The following MRPS27 variants were observed in gnomAD, a reference collection of about 807,000 sequenced individuals.
MRPS27 encodes the protein mitochondrial ribosomal protein S27.
Under a neutral mutation model 48.9 loss-of-function variants are expected in MRPS27, and 43 were observed. The observed-to-expected ratio is 0.88, with a 90% CI of 0.69 to 1.13. The LOEUF (loss-of-function observed/expected upper bound fraction) is 1.13. MRPS27 is among the 50% of genes most tolerant of loss of function. The probability of loss-of-function intolerance (pLI) is 0.00; values close to 1 mark genes in which losing one functional copy is unlikely to be tolerated. For missense variants in MRPS27, 467 were observed against 476.3 expected, an observed-to-expected ratio of 0.98 and a Z score of 0.18; for synonymous variants, 188 against 171.9, an observed-to-expected ratio of 1.09 and a Z score of -0.73.
rs750863073 is a variant in MRPS27, at chr5:72,298,418, T to TATA, written c.152-717_152-716insTAT. ...GGCTGCAGAGATAAGGAAATGCTTA[T>TATA]ACACTGTTGGTAAGAATGTAAATTA... On this transcript the variant is annotated intron_variant, in intron 2 of 10. Transcript: ENST00000261413. 9.2e-5 allele frequency among the ~76,000 whole-genome samples: 14 copies of TATA among 152,316 alleles called. No individual in the cohort carries two copies. In the East Asian group the frequency reaches 2.7e-3, roughly 29 times the overall value.
intron 2 of MRPS27, among the ~76,000 whole-genome samples, chr5:72,310,325 T>C (rs890877250): frequency 6.6e-6 from 1 of 152,062 alleles, no homozygotes; most frequent in Non-Finnish European, 1.5e-5. Flanking sequence ...AAATGGTTGA[T>C]TCCAGGGCTA....
At chr5:72,269,518 A>C (rs1749181717) in intron 4 of MRPS27, among the ~76,000 whole-genome samples, 1 of 152,268 alleles carries the variant, frequency 6.6e-6, no homozygotes, top group South Asian at 2.1e-4. Flanking sequence ...AGCTATAATA[A>C]TTAAAACAGG....
Position 72,234,133 on chromosome 5 carries a change from T to C in MRPS27, c.461A>G (p.Lys154Arg). The C allele has an allele frequency of 6.6e-7, 1 of 1,523,242 alleles. No individual in the cohort carries two copies. Among genetic ancestry groups the C allele is most frequent in the Non-Finnish European group, 8.8e-7 (1 of 1,139,346 alleles). 94.4% of individuals were successfully genotyped at this position (1,523,242 alleles called of 1,614,324 possible). ...TAGTTTCTTACCTTTGTAATTTTCTTTCTTTATGAAAGAATCCATCAGTAA... is the reference window on the plus strand; with the variant it reads ...TAGTTTCTTACCTTTGTAATTTTCTCTCTTTATGAAAGAATCCATCAGTAA... Reference protein sequence around the residue: ...FNLLMDSFIKKENYKDALSVV... With the variant: ...FNLLMDSFIKRENYKDALSVV... The change falls in exon 6 of 11, where the codon AAA (lysine) becomes AGA (arginine). Residue 154 changes from lysine to arginine, a missense_variant. Transcript: ENST00000261413.
intron 4 of MRPS27, among the ~76,000 whole-genome samples, chr5:72,260,701 CA>C (rs1311483347): frequency 2.0e-5 from 3 of 151,656 alleles, no homozygotes; most frequent in Non-Finnish European, 2.9e-5. Flanking sequence ...GTATCAGGTA[CA>C]AAAAAAATCT....
intron 4 of MRPS27, among the ~76,000 whole-genome samples, chr5:72,238,767 TA>T (rs1561334142): frequency 6.6e-6 from 1 of 152,188 alleles, no homozygotes; most frequent in Non-Finnish European, 1.5e-5. Context: ...CACAGGGTCT[TA>T]AAAGTCTGAA....
intron 4 of MRPS27, among the ~76,000 whole-genome samples, chr5:72,262,292 T>C (rs965578236): frequency 2.0e-5 from 3 of 152,140 alleles, no homozygotes; most frequent in Non-Finnish European, 4.4e-5. Flanking sequence ...CATATGATCA[T>C]GTGGTTAGCA....
chr5:72,223,111 G>A (rs1747793420), intron 10 of MRPS27, among the ~76,000 whole-genome samples: 1 of 152,190 alleles, frequency 6.6e-6, no homozygotes, highest in South Asian at 2.1e-4. Flanking sequence ...GAGCATTTTG[G>A]GATGTACAGA....
At position 72,297,678 on chromosome 5, in the gene MRPS27, T is replaced by G; in HGVS notation, c.176A>C (p.Lys59Thr). The change falls in exon 3 of 11, where the codon AAA (lysine) becomes ACA (threonine). Residue 59 changes from lysine (K) to threonine (T), a missense_variant. Transcript: ENST00000261413. ...AACAGGCAACTTTCTCTCAAATGTT[T>G]TATCCATTAAAGATGCAAGATCAGC... ...CLADLASLMD[K>T]TFERKLPVSS... is the part of the protein sequence containing the mutation. 6.2e-7 allele frequency: 1 copy of G among 1,602,352 alleles called. No individual in the cohort carries two copies. The highest frequency in any genetic ancestry group is 8.5e-7 in the Non-Finnish European group (1 of 1,175,006).
chr5:72,223,902 C>G, intron 9 of MRPS27, 52 bp from the exon 10 acceptor site: 3 of 1,581,020 alleles, frequency 1.9e-6, no homozygotes, highest in Non-Finnish European at 2.6e-6. Flanking sequence ...CCCAAAAGCA[C>G]ATGGTGAAGA....
At position 72,297,655 on chromosome 5, in the gene MRPS27, CA is replaced by C. The variant is rs759434916; in HGVS notation, c.198del (p.Val67LeufsTer4). 6.2e-7 allele frequency: 1 copy of C among 1,601,566 alleles called. No individual in the cohort carries two copies. The highest frequency in any genetic ancestry group is 8.5e-7 in the Non-Finnish European group (1 of 1,174,096). Reference sequence around the variant, plus strand: ...ACCCGTGATATTGTTAAAGAACTAACAGGCAACTTTCTCTCAAATGTTTTAT... The same window carrying C: ...ACCCGTGATATTGTTAAAGAACTAACGGCAACTTTCTCTCAAATGTTTTAT... ...LMDKTFERKL[P>X]VSSLTISRLI... On this transcript the variant is annotated frameshift_variant, in exon 3 of 11. Transcript: ENST00000261413. LOFTEE classifies it high-confidence loss of function.
chr5:72,279,569 C>T (rs555696608), intron 4 of MRPS27, among the ~76,000 whole-genome samples: 34 of 152,120 alleles, frequency 2.2e-4, no homozygotes, highest in Middle Eastern at 6.8e-3. Context: ...CCAGCCTGAG[C>T]AACACAGCGA....
At chr5:72,268,374 CT>C (rs1454733849) in intron 4 of MRPS27, among the ~76,000 whole-genome samples, 1 of 152,130 alleles carries the variant, frequency 6.6e-6, no homozygotes, top group Non-Finnish European at 1.5e-5. Flanking sequence ...TTATTTTTCT[CT>C]TTGCTACACA....
At chr5:72,284,777 GT>G (rs1016082935) in intron 4 of MRPS27, among the ~76,000 whole-genome samples, 1 of 151,954 alleles carries the variant, frequency 6.6e-6, no homozygotes, top group Non-Finnish European at 1.5e-5. Context: ...TCCTACTCTT[GT>G]TTTTTTCACT....
intron 7 of MRPS27, among the ~76,000 whole-genome samples, chr5:72,230,301 CA>C (rs1748020395): frequency 6.6e-6 from 1 of 152,158 alleles, no homozygotes; most frequent in South Asian, 2.1e-4. Flanking sequence ...TCCATTAATA[CA>C]AAGCAAATCC....
rs78585351 is a variant in MRPS27 at position 72,257,046 on chromosome 5, G to C, written c.282-18918C>G. Among the ~76,000 whole-genome samples, 566 of 152,268 alleles carry C rather than the reference G, an allele frequency of 3.7e-3. 1 individual carries two copies. The highest frequency in any genetic ancestry group is 0.013 in the African/African-American group (550 of 41,548). ...GATGTACAATCATGTCACATATATA[G>C]CACTGACAGGAAGGAGAATCAAACC... On this transcript the variant is annotated intron_variant, in intron 4 of 10. Coordinates refer to ENST00000261413, the MANE Select transcript of MRPS27 (RefSeq NM_015084.3).
intron 4 of MRPS27, among the ~76,000 whole-genome samples, chr5:72,273,442 T>A (rs577167732): frequency 6.6e-6 from 1 of 152,318 alleles, no homozygotes; most frequent in Admixed American, 6.5e-5. Context: ...AAATGTGTTG[T>A]TAGTGATTTT....
chr5:72,223,190 C>T (rs1195934769), intron 10 of MRPS27, among the ~76,000 whole-genome samples: 1 of 152,210 alleles, frequency 6.6e-6, no homozygotes, highest in Admixed American at 6.5e-5. Context: ...AAACTGTTTA[C>T]AGCTTCTATG....
chr5:72,319,778 G>A (rs1237475958), intron 1 of MRPS27, among the ~76,000 whole-genome samples: 1 of 152,014 alleles, frequency 6.6e-6, no homozygotes, highest in Non-Finnish European at 1.5e-5. Flanking sequence ...AACTCCTGGC[G>A]ATCCGCCCGC....
intron 4 of MRPS27, among the ~76,000 whole-genome samples, chr5:72,289,843 T>C (rs1260558142): frequency 6.6e-6 from 1 of 152,202 alleles, no homozygotes; most frequent in Admixed American, 6.5e-5. Context: ...GACACCCGGA[T>C]AGTAGAAGGA....
Sources: allele counts gnomAD v4.1 joint callset (sites outside exome capture counted in the v4.1 genomes callset), GRCh38; gene constraint gnomAD v4.1.1; transcripts MANE v1.5; gene names NCBI Gene and HGNC (gene_info 2026-07-23, HGNC 2026-07-21).